The following APBA2 variants were observed in gnomAD, a reference collection of about 807,000 sequenced individuals.
APBA2 encodes the protein amyloid-beta A4 precursor protein-binding family A member 2.
APBA2 carries 30 observed loss-of-function variants against 75.0 expected under a neutral mutation model. The ratio of observed to expected loss-of-function variants is 0.40; its 90% confidence interval spans 0.30 to 0.54. APBA2 has a LOEUF of 0.54. Ranked by LOEUF, APBA2 falls within the 20% of genes least tolerant of loss-of-function variation. The pLI is 0.49. For synonymous variants in APBA2, 444 were observed against 409.6 expected, an observed-to-expected ratio of 1.08 and a Z score of -1.01; for missense variants, 801 against 1,016.1, an observed-to-expected ratio of 0.79 and a Z score of 2.88.
intron 3 of APBA2, among the ~76,000 whole-genome samples, chr15:29,040,960 G>C (rs1217322260): frequency 6.6e-6 from 1 of 151,872 alleles, no homozygotes; most frequent in Non-Finnish European, 1.5e-5. Context: ...TTATAACCAT[G>C]TTCCATGAGG....
intron 2 of APBA2, among the ~76,000 whole-genome samples, chr15:28,993,713 G>T (rs1438484897): frequency 1.3e-5 from 2 of 152,216 alleles, no homozygotes; most frequent in African/African-American, 4.8e-5. Context: ...GCTTCTGGGG[G>T]ATGCACATGG....
chr15:29,001,873 G>A (rs1440178737), intron 3 of APBA2, among the ~76,000 whole-genome samples: 1 of 152,188 alleles, frequency 6.6e-6, no homozygotes, highest in Admixed American at 6.5e-5. Context: ...CATAATTAGT[G>A]TGATGAAAGA....
intron 2 of APBA2, among the ~76,000 whole-genome samples, chr15:28,962,988 C>T (rs958395237): frequency 1.3e-5 from 2 of 152,084 alleles, no homozygotes; most frequent in South Asian, 2.1e-4. Flanking sequence ...TGAAAGTTGC[C>T]TGGAGACCTT....
At chr15:29,072,242 A>G (rs999669973) in intron 4 of APBA2, among the ~76,000 whole-genome samples, 1 of 152,150 alleles carries the variant, frequency 6.6e-6, no homozygotes, top group African/African-American at 2.4e-5. Context: ...CCTGTCCAGC[A>G]ACTAGTAAGG....
At chr15:28,948,486 G>A (rs2035670530) in intron 2 of APBA2, among the ~76,000 whole-genome samples, 2 of 152,140 alleles carry the variant, frequency 1.3e-5, no homozygotes, top group African/African-American at 4.8e-5. Context: ...TGTAACTTCA[G>A]AGTTTGGTAG....
intron 1 of APBA2, among the ~76,000 whole-genome samples, chr15:28,886,753 C>CTTCCCT (rs925990837): frequency 2.6e-5 from 4 of 152,220 alleles, no homozygotes; most frequent in Non-Finnish European, 5.9e-5. Flanking sequence ...TCTTCGCCCC[C>CTTCCCT]TTCCCTTTCC....
chr15:29,108,008 C>A (rs373631859), intron 12 of APBA2, among the ~76,000 whole-genome samples: 1 of 152,176 alleles, frequency 6.6e-6, no homozygotes, highest in African/African-American at 2.4e-5. Context: ...AGTGGCTAAT[C>A]TTCCCCAGGG....
intron 1 of APBA2, among the ~76,000 whole-genome samples, chr15:28,898,253 G>C (rs1006701343): frequency 6.6e-6 from 1 of 152,200 alleles, no homozygotes; most frequent in Non-Finnish European, 1.5e-5. Context: ...AGCAACCGTT[G>C]GAAATGGATA....
At chr15:29,043,880 C>T (rs1356357868) in intron 3 of APBA2, among the ~76,000 whole-genome samples, 4 of 152,150 alleles carry the variant, frequency 2.6e-5, no homozygotes, top group Non-Finnish European at 5.9e-5. Flanking sequence ...TCAGAGCTTG[C>T]GGTTGCCTGT....
At chr15:29,036,646 C>T (rs1461490221) in intron 3 of APBA2, among the ~76,000 whole-genome samples, 1 of 152,162 alleles carries the variant, frequency 6.6e-6, no homozygotes, top group Non-Finnish European at 1.5e-5. Flanking sequence ...CAGGTGACTC[C>T]CACACCTCTT....
At chr15:29,009,327 A>G (rs2039287066) in intron 3 of APBA2, among the ~76,000 whole-genome samples, 1 of 152,230 alleles carries the variant, frequency 6.6e-6, no homozygotes, top group Admixed American at 6.5e-5. Context: ...AGTGGGAGGA[A>G]GCTTTGGACA....
rs774025744 is a variant in APBA2 at position 29,053,909 on chromosome 15, G to C, written c.25G>C (p.Val9Leu). 6.2e-7 allele frequency: 1 copy of C among 1,612,526 alleles called. No individual in the cohort carries two copies. The highest frequency in any genetic ancestry group is 2.2e-5 in the East Asian group (1 of 44,798). MAHRKLES[V>L]GSGMLDHRVR... ...CATGGCCCACCGGAAGCTTGAGAGC[G>C]TGGGGAGCGGCATGTTGGACCATAG... Residue 9 changes from valine to leucine, a missense_variant, in exon 4 of 15, where the codon GTG becomes CTG. Val to Leu is a conservative substitution (Grantham distance 32). Coordinates refer to ENST00000683413, the MANE Select transcript of APBA2 (RefSeq NM_001353788.2).
chr15:28,969,946 C>T (rs2036979221), intron 2 of APBA2, among the ~76,000 whole-genome samples: 2 of 152,246 alleles, frequency 1.3e-5, no homozygotes, highest in Non-Finnish European at 2.9e-5. Flanking sequence ...TCCTCGCTGC[C>T]TGCTGGCTTT....
Position 29,101,746 on chromosome 15 carries a change from C to T in APBA2, c.1486C>T (p.Gln496Ter). 1 of 1,613,678 alleles carries T rather than the reference C, an allele frequency of 6.2e-7. No individual in the cohort carries two copies. The highest frequency in any genetic ancestry group is 8.5e-7 in the Non-Finnish European group (1 of 1,180,032). ...TTPGAQEGKKQYKMICHVFES... is the reference protein window; with the variant it reads ...TTPGAQEGKK ...GCCCGGGGCCCAGGAAGGCAAGAAG[C>T]AGTATAAGATGATCTGCCATGTGTT... Residue 496 changes from glutamine (Q) to a stop codon, truncating the protein, a stop_gained, in exon 10 of 15, where the codon CAG becomes TAG. Transcript: ENST00000683413. LOFTEE classifies it high-confidence loss of function.
At chr15:28,895,282 CCTCAGCCTGGCTGGG>C (rs1320922224) in intron 1 of APBA2, among the ~76,000 whole-genome samples, 4 of 152,182 alleles carry the variant, frequency 2.6e-5, no homozygotes, top group African/African-American at 9.6e-5. Context: ...CGGTGGCTGG[CCTCAGCCTGGCTGGG>C]CACGCAGGCT....
At chr15:28,936,612 C>G (rs1351667489) in intron 2 of APBA2, among the ~76,000 whole-genome samples, 1 of 152,238 alleles carries the variant, frequency 6.6e-6, no homozygotes, top group Non-Finnish European at 1.5e-5. Flanking sequence ...TCCTTTGTTC[C>G]TCTCTATCAC....
At chr15:29,007,530 A>G (rs914507716) in intron 3 of APBA2, among the ~76,000 whole-genome samples, 11 of 152,266 alleles carry the variant, frequency 7.2e-5, no homozygotes, top group Admixed American at 6.5e-4. Flanking sequence ...AGAATTTAAC[A>G]TAAAAAGAAG....
At chr15:28,912,809 T>C (rs1213724382) in intron 1 of APBA2, among the ~76,000 whole-genome samples, 1 of 152,260 alleles carries the variant, frequency 6.6e-6, no homozygotes, top group Admixed American at 6.5e-5. Flanking sequence ...GGTGTTTTAC[T>C]TGCAGATACC....
chr15:29,042,921 C>T (rs1351302727), intron 3 of APBA2, among the ~76,000 whole-genome samples: 5 of 152,222 alleles, frequency 3.3e-5, no homozygotes, highest in East Asian at 1.9e-4. Context: ...GTGCTGGTAA[C>T]GTTCTGTGTT....
Sources: gnomAD v4.1 joint callset for allele counts (sites outside exome capture counted in the v4.1 genomes callset) on GRCh38, gnomAD v4.1.1 for gene constraint, MANE v1.5 for transcripts, NCBI Gene and HGNC (gene_info 2026-07-23, HGNC 2026-07-21) for gene names.